HS6ST3: variants seen among roughly 807,000 people sequenced by gnomAD.
The protein encoded by HS6ST3 is heparan-sulfate 6-O-sulfotransferase 3.
A neutral mutation model predicts 36.7 loss-of-function variants in HS6ST3; 12 were observed. The observed-to-expected ratio is 0.33, with a 90% CI of 0.21 to 0.53. The LOEUF is 0.53. Among genes scored for constraint, HS6ST3 ranks in the 20% least tolerant of loss-of-function variants. The pLI, the probability that HS6ST3 is intolerant of heterozygous loss-of-function variation, is 0.95. For missense variants in HS6ST3, 584 were observed against 640.9 expected (o/e 0.91, Z 0.96); for synonymous variants, 240 against 257.5 (o/e 0.93, Z 0.65).
At chr13:96,208,087 A>G (rs1256543802) in intron 1 of HS6ST3, among the ~76,000 whole-genome samples, 1 of 152,186 alleles carries the variant, frequency 6.6e-6, no homozygotes, top group Non-Finnish European at 1.5e-5. Flanking sequence ...GTTGCTTTAT[A>G]TTTTTGAACA....
chr13:96,127,791 A>G (rs180822044), intron 1 of HS6ST3, among the ~76,000 whole-genome samples: 1 of 152,268 alleles, frequency 6.6e-6, no homozygotes, highest in East Asian at 1.9e-4. Context: ...CTGTAATTTC[A>G]TCTACCCCTT....
chr13:96,725,201 G>A (rs1468116971), intron 1 of HS6ST3, among the ~76,000 whole-genome samples: 3 of 152,038 alleles, frequency 2.0e-5, no homozygotes, highest in Non-Finnish European at 4.4e-5. Flanking sequence ...CAAATGTTTT[G>A]TCTATTTTTA....
At chr13:96,435,635 T>C (rs186744664) in intron 1 of HS6ST3, among the ~76,000 whole-genome samples, 1 of 152,290 alleles carries the variant, frequency 6.6e-6, no homozygotes, top group East Asian at 1.9e-4. Flanking sequence ...CCCTCGCATA[T>C]TGGTTAAGTG....
chr13:96,319,631 T>C (rs1487683586), intron 1 of HS6ST3, among the ~76,000 whole-genome samples: 1 of 152,188 alleles, frequency 6.6e-6, no homozygotes, highest in African/African-American at 2.4e-5. Context: ...AGAGTTCCAA[T>C]TGCTCCATGT....
chr13:96,348,019 G>A (rs534482113), intron 1 of HS6ST3, among the ~76,000 whole-genome samples: 12 of 152,296 alleles, frequency 7.9e-5, no homozygotes, highest in Admixed American at 6.5e-4. Flanking sequence ...TAAACACTCA[G>A]TAAATATTTG....
chr13:96,658,331 A>G (rs1166554689), intron 1 of HS6ST3, among the ~76,000 whole-genome samples: 1 of 126,262 alleles, frequency 7.9e-6, no homozygotes, highest in Non-Finnish European at 1.6e-5. Flanking sequence ...CCCAAGCTGG[A>G]GTGCAATGGC....
chr13:96,343,823 A>G (rs930342624), intron 1 of HS6ST3, among the ~76,000 whole-genome samples: 1 of 151,918 alleles, frequency 6.6e-6, no homozygotes, highest in African/African-American at 2.4e-5. Flanking sequence ...GCTCACTGCA[A>G]CCTCCGCCTC....
chr13:96,350,362 T>C (rs1397689156), intron 1 of HS6ST3, among the ~76,000 whole-genome samples: 1 of 152,224 alleles, frequency 6.6e-6, no homozygotes, highest in East Asian at 1.9e-4. Flanking sequence ...CCATAATGTT[T>C]GGTGTGAGAT....
chr13:96,799,841 A>G lies in HS6ST3; in HGVS notation c.708-32649A>G, dbSNP rs1878002082. On this transcript the variant is annotated intron_variant, in intron 1 of 1. Transcript: ENST00000376705. ...CTGAATTGTGGTCTTCATCCCAGTT[A>G]TAAGCTGGTTTTGGTCTTCATCCCA... Among the ~76,000 whole-genome samples, 2 of 150,548 alleles carry G rather than the reference A, an allele frequency of 1.3e-5. 1 individual carries two copies. The highest frequency in any genetic ancestry group is 1.3e-4 in the Admixed American group (2 of 15,060).
At chr13:96,135,525 C>A (rs561413368) in intron 1 of HS6ST3, among the ~76,000 whole-genome samples, 2 of 152,166 alleles carry the variant, frequency 1.3e-5, no homozygotes, top group East Asian at 3.9e-4. Flanking sequence ...ATCCCTAGGG[C>A]TGTCATGGAA....
intron 1 of HS6ST3, among the ~76,000 whole-genome samples, chr13:96,356,352 A>T (rs2055210030): frequency 6.6e-6 from 1 of 152,206 alleles, no homozygotes; most frequent in Non-Finnish European, 1.5e-5. Context: ...GTCCAGATTC[A>T]TCAGAATAAT....
At chr13:96,688,657 A>G (rs1874854268) in intron 1 of HS6ST3, among the ~76,000 whole-genome samples, 1 of 152,058 alleles carries the variant, frequency 6.6e-6, no homozygotes. Context: ...GAACTTATGA[A>G]TCTGTCAGTT....
chr13:96,504,525 C>T (rs746652905), intron 1 of HS6ST3, among the ~76,000 whole-genome samples: 8 of 151,144 alleles, frequency 5.3e-5, no homozygotes, highest in Admixed American at 2.0e-4. Flanking sequence ...GAGAGACAGT[C>T]GGAAATAGGC....
At chr13:96,746,498 G>T (rs1276601239) in intron 1 of HS6ST3, among the ~76,000 whole-genome samples, 1 of 152,082 alleles carries the variant, frequency 6.6e-6, no homozygotes, top group Non-Finnish European at 1.5e-5. Flanking sequence ...AGATTAGCTA[G>T]TTCAATGCTT....
chr13:96,744,612 T>C (rs1195904270), intron 1 of HS6ST3, among the ~76,000 whole-genome samples: 1 of 152,102 alleles, frequency 6.6e-6, no homozygotes, highest in Non-Finnish European at 1.5e-5. Flanking sequence ...GCAGCTTGTC[T>C]TCAGTTCTGA....
chr13:96,205,623 C>A (rs1762091193), intron 1 of HS6ST3, among the ~76,000 whole-genome samples: 1 of 152,150 alleles, frequency 6.6e-6, no homozygotes, highest in Non-Finnish European at 1.5e-5. Context: ...AAAAGCTTAT[C>A]CACCACGATC....
chr13:96,658,930 A>G (rs956673954), intron 1 of HS6ST3, among the ~76,000 whole-genome samples: 5 of 150,484 alleles, frequency 3.3e-5, no homozygotes, highest in Non-Finnish European at 5.9e-5. Context: ...TTGGTATCGA[A>G]CTCCTGACCT....
intron 1 of HS6ST3, among the ~76,000 whole-genome samples, chr13:96,661,002 C>G (rs763330799): frequency 6.6e-6 from 1 of 152,148 alleles, no homozygotes; most frequent in Non-Finnish European, 1.5e-5. Flanking sequence ...TGCCCTCGAA[C>G]TCCAAGTTCT....
At chr13:96,711,628 C>A (rs946342874) in intron 1 of HS6ST3, among the ~76,000 whole-genome samples, 1 of 152,038 alleles carries the variant, frequency 6.6e-6, no homozygotes, top group Non-Finnish European at 1.5e-5. Context: ...GTATTTTTTT[C>A]TCCTAGCTTC....
Sources: gnomAD v4.1 joint callset for allele counts (sites outside exome capture counted in the v4.1 genomes callset) on GRCh38, gnomAD v4.1.1 for gene constraint, MANE v1.5 for transcripts, NCBI Gene and HGNC (gene_info 2026-07-23, HGNC 2026-07-21) for gene names.